The following STC1 variants were observed in gnomAD, a reference collection of about 807,000 sequenced individuals.
The protein encoded by STC1 is stanniocalcin 1, also known as stanniocalcin-1.
STC1 carries 7 observed loss-of-function variants against 22.6 expected under a neutral mutation model. That is an observed-to-expected ratio of 0.31 (90% CI 0.18 to 0.58). The LOEUF (loss-of-function observed/expected upper bound fraction) is 0.58. Ranked by LOEUF, STC1 falls within the 20% of genes least tolerant of loss-of-function variation. The pLI is 0.89. For synonymous variants in STC1, 113 were observed against 120.7 expected (o/e 0.94, Z 0.42); for missense variants, 224 against 311.0 (o/e 0.72, Z 2.10).
chr8:23,845,099 G>A (rs889636033), intron 3 of STC1, 59 bp from the exon 4 acceptor site: 4 of 1,574,960 alleles, frequency 2.5e-6, no homozygotes, highest in Non-Finnish European at 8.7e-7. Context: ...GCGAGACCCA[G>A]GCTTTCACCC....
intron 3 of STC1, among the ~76,000 whole-genome samples, chr8:23,847,868 C>T (rs1352187822): frequency 6.6e-6 from 1 of 152,204 alleles, no homozygotes; most frequent in Non-Finnish European, 1.5e-5. Context: ...TTGTGGACTA[C>T]CACGGTGCAC....
At chr8:23,845,503 A>C (rs1014746179) in intron 3 of STC1, among the ~76,000 whole-genome samples, 1 of 152,042 alleles carries the variant, frequency 6.6e-6, no homozygotes, top group Non-Finnish European at 1.5e-5. Context: ...ATGTGTAATT[A>C]TTTTGATGCT....
chr8:23,844,516 A>C lies in STC1; in HGVS notation c.*254T>G. 3 of 498,598 alleles carry C rather than the reference A, an allele frequency of 6.0e-6. No homozygotes were observed. The highest frequency in any genetic ancestry group is 1.9e-5 in the African/African-American group (1 of 52,118). 30.9% of individuals were successfully genotyped at this position (498,598 alleles called of 1,614,324 possible). On this transcript the variant is annotated 3_prime_UTR_variant, in exon 4 of 4. Coordinates refer to ENST00000290271, the MANE Select transcript of STC1 (RefSeq NM_003155.3). ...AGCAGGGGAAAAACATGGCAGAGGA[A>C]GTTGGTAAAAGAGGGTACTTTCTCC...
chr8:23,851,175 AT>A (rs557804606), intron 3 of STC1, 144 bp downstream of exon 3: 43 of 783,578 alleles, frequency 5.5e-5, no homozygotes, highest in Non-Finnish European at 8.4e-5. Flanking sequence ...TCACAAACAT[AT>A]TTTTTTCCTG....
intron 1 of STC1, 57 bp downstream of exon 1, chr8:23,854,349 A>G: frequency 6.9e-7 from 1 of 1,457,504 alleles, no homozygotes; most frequent in Non-Finnish European, 9.6e-7. Flanking sequence ...TGCAAAAGGG[A>G]GAGGCAAATG....
intron 3 of STC1, among the ~76,000 whole-genome samples, chr8:23,846,688 G>T (rs2117738564): frequency 6.6e-6 from 1 of 152,266 alleles, no homozygotes; most frequent in South Asian, 2.1e-4. Context: ...GCAGTGTCTT[G>T]GTTGCTGACA....
rs1554520726 is a variant in STC1 at position 23,854,726 on chromosome 8, C to CGCTGCTGCTGCTGCTGCCGCCGCCGCT, written c.-204_-203insAGCGGCGGCGGCAGCAGCAGCAGCAGC. 26 of 656,670 alleles carry CGCTGCTGCTGCTGCTGCCGCCGCCGCT rather than the reference C, an allele frequency of 4.0e-5. No homozygotes were observed. In the East Asian group the frequency reaches 6.7e-4, roughly 17 times the overall value. 40.7% of individuals were successfully genotyped at this position (656,670 alleles called of 1,614,324 possible). On this transcript the variant is annotated 5_prime_UTR_variant, in exon 1 of 4. Transcript: ENST00000290271. The stretch of plus-strand genomic sequence containing the variant: ...CCTCCGCTGCTGCTGCTGCTGCCGC[C>CGCTGCTGCTGCTGCTGCCGCCGCCGCT]GCTGCTGCTGCTGCTGCCACCGCCG...
intron 3 of STC1, among the ~76,000 whole-genome samples, chr8:23,845,862 C>T (rs1802566461): frequency 6.6e-6 from 1 of 152,130 alleles, no homozygotes; most frequent in Non-Finnish European, 1.5e-5. Flanking sequence ...AACCTCTTCC[C>T]TTTTTGGATA....
chr8:23,847,279 G>A (rs1291588172), intron 3 of STC1, among the ~76,000 whole-genome samples: 2 of 152,150 alleles, frequency 1.3e-5, no homozygotes, highest in African/African-American at 2.4e-5. Context: ...TTTCCTTCAG[G>A]CCCCACTTTG....
intron 3 of STC1, among the ~76,000 whole-genome samples, chr8:23,848,554 AAAG>A (rs1199428448): frequency 1.1e-4 from 15 of 139,586 alleles, no homozygotes; most frequent in African/African-American, 3.9e-4. Flanking sequence ...AAAAAAAAAA[AAAG>A]AAGAAGAAGA....
Position 23,844,990 on chromosome 8 carries a change from A to T in STC1, c.524T>A (p.Val175Asp), listed in dbSNP as rs577116038. ...CATCAGGCTGTCTCTGATTGTGCTG[A>T]CTGTGTCTTCATCACATTCCAGCAG... is the stretch of plus-strand genomic sequence containing the variant. ...RSLLECDEDT[V>D]STIRDSLMEK... is the part of the protein sequence containing the mutation. The change falls in exon 4 of 4, where the codon GTC (valine) becomes GAC (aspartate). Residue 175 changes from valine to aspartate, a missense_variant. Coordinates refer to ENST00000290271, the MANE Select transcript of STC1 (RefSeq NM_003155.3). 6.2e-7 allele frequency: 1 copy of T among 1,614,064 alleles called. No individual in the cohort carries two copies. Among genetic ancestry groups the T allele is most frequent in the African/African-American group, 1.3e-5 (1 of 74,988 alleles).
chr8:23,844,864 T>C lies in STC1; in HGVS notation c.650A>G (p.Asn217Ser). Residue 217 changes from asparagine to serine, a missense_variant, in exon 4 of 4, where the codon AAT becomes AGT. Transcript: ENST00000290271. ...GAGGACTTTCAGCTTCTGCGGCTCA[T>C]TGGTGCGTCTCCTGTTGAAGTCAGC... is the stretch of plus-strand genomic sequence containing the variant. Reference protein sequence around the residue: ...PRADFNRRRTNEPQKLKVLLR... With the variant: ...PRADFNRRRTSEPQKLKVLLR... 3 of 1,614,090 alleles carry C rather than the reference T, an allele frequency of 1.9e-6. No individual in the cohort carries two copies. The highest frequency in any genetic ancestry group is 2.5e-6 in the Non-Finnish European group (3 of 1,180,010).
At chr8:23,852,056 C>CTG (rs111788542) in intron 2 of STC1, among the ~76,000 whole-genome samples, 186 bp downstream of exon 2, 4,088 of 147,298 alleles carry the variant, frequency 0.028, 61 homozygotes, top group African/African-American at 0.042. Flanking sequence ...ATGAGTGCCT[C>CTG]TGTGTGTGTG....
chr8:23,848,091 G>A (rs1175741404), intron 3 of STC1, among the ~76,000 whole-genome samples: 1 of 152,188 alleles, frequency 6.6e-6, no homozygotes, highest in African/African-American at 2.4e-5. Context: ...GAGGCAGTTA[G>A]TCTAGTTAAC....
intron 3 of STC1, among the ~76,000 whole-genome samples, chr8:23,845,553 GGTGT>G (rs10679520): frequency 2.0e-5 from 3 of 150,368 alleles, no homozygotes; most frequent in Admixed American, 6.6e-5. Flanking sequence ...TGTGGGCACA[GGTGT>G]GTGTGTGTGT....
At chr8:23,854,069 T>C (rs1802668904) in intron 1 of STC1, 8 of 1,128,476 alleles carry the variant, frequency 7.1e-6, no homozygotes, top group Non-Finnish European at 7.7e-6. Context: ...CTGGAAAGTA[T>C]AGAGAGCGCT....
chr8:23,852,163 G>T, intron 2 of STC1, 79 bp downstream of exon 2: 1 of 1,570,632 alleles, frequency 6.4e-7, no homozygotes, highest in Non-Finnish European at 8.7e-7. Flanking sequence ...TTCCCTACAA[G>T]ACTGGTTCCT....
chr8:23,853,896 G>T (rs554409416), intron 1 of STC1: 1 of 473,692 alleles, frequency 2.1e-6, no homozygotes, highest in Non-Finnish European at 2.8e-6. Context: ...ATCCGCCCTG[G>T]ATTTGTCAGA....
At chr8:23,848,036 C>T (rs1000177149) in intron 3 of STC1, among the ~76,000 whole-genome samples, 10 of 152,218 alleles carry the variant, frequency 6.6e-5, no homozygotes, top group Non-Finnish European at 5.9e-5. Flanking sequence ...TGACCTTCAG[C>T]AGGTCACTCC....
Sources: gnomAD v4.1 joint callset for allele counts (sites outside exome capture counted in the v4.1 genomes callset) on GRCh38, gnomAD v4.1.1 for gene constraint, MANE v1.5 for transcripts, NCBI Gene and HGNC (gene_info 2026-07-23, HGNC 2026-07-21) for gene names.